Variants in MAP3K19 observed in about 807,000 individuals in gnomAD.
MAP3K19 encodes mitogen-activated protein kinase kinase kinase 19.
A neutral mutation model predicts 114.4 loss-of-function variants in MAP3K19; 91 were observed. That is an observed-to-expected ratio of 0.80 (90% CI 0.67 to 0.95). MAP3K19 has a LOEUF of 0.95. MAP3K19 is among the 40% of genes least tolerant of loss of function. MAP3K19 has a pLI of 0.00. For missense variants in MAP3K19, 1,471 were observed against 1,573.2 expected (o/e 0.94, Z 1.10); for synonymous variants, 518 against 530.5 (o/e 0.98, Z 0.32).
chr2:135,042,693 A>G (rs544604523), intron 1 of MAP3K19, among the ~76,000 whole-genome samples: 1 of 152,206 alleles, frequency 6.6e-6, no homozygotes, highest in South Asian at 2.1e-4. Flanking sequence ...TCCCCAACAC[A>G]TCGGGAAGCC....
At chr2:135,013,813 T>C (rs866825203) in intron 5 of MAP3K19, among the ~76,000 whole-genome samples, 2 of 152,118 alleles carry the variant, frequency 1.3e-5, no homozygotes, top group African/African-American at 2.4e-5. Context: ...AGTTGCTAAT[T>C]AGCTGAAGTC....
In MAP3K19 at chr2:134,981,356, TC is replaced by T. The variant is rs1402928487; in HGVS notation, c.3384del (p.Thr1129HisfsTer8). 1 of 1,614,072 alleles carries T rather than the reference TC, an allele frequency of 6.2e-7. No individual in the cohort carries two copies. The highest frequency in any genetic ancestry group is 8.5e-7 in the Non-Finnish European group (1 of 1,180,048). On this transcript the variant is annotated frameshift_variant, in exon 12 of 13. Transcript: ENST00000392915. LOFTEE classifies it high-confidence loss of function. The stretch of plus-strand genomic sequence containing the variant: ...CTCACAGTGTTCTCTTGCAAGCATG[TC>T]CCCAAATAGGCCACAATGTTGACAT... ...LKHVNIVAYL[G>X]TCLQENTVSI...
At chr2:134,978,494 C>T (rs1303046985) in intron 12 of MAP3K19, among the ~76,000 whole-genome samples, 3 of 152,162 alleles carry the variant, frequency 2.0e-5, no homozygotes, top group Non-Finnish European at 4.4e-5. Flanking sequence ...AGCCACTGCA[C>T]CTGGCTGTTA....
intron 5 of MAP3K19, among the ~76,000 whole-genome samples, chr2:135,010,968 A>G (rs1687179580): frequency 6.6e-6 from 1 of 152,180 alleles, no homozygotes; most frequent in African/African-American, 2.4e-5. Context: ...CCTCAGGTGA[A>G]AAAAGATGAC....
intron 5 of MAP3K19, among the ~76,000 whole-genome samples, chr2:135,012,308 C>T (rs922151587): frequency 1.3e-5 from 2 of 151,972 alleles, no homozygotes; most frequent in Non-Finnish European, 2.9e-5. Context: ...GTCAAATGAC[C>T]CCCTAGGGTG....
intron 3 of MAP3K19, 79 bp downstream of exon 3, chr2:135,030,233 T>C (rs1688348627): frequency 6.6e-6 from 1 of 152,556 alleles, no homozygotes; most frequent in Admixed American, 6.5e-5. Flanking sequence ...TTATTTTTCT[T>C]TAAAAGGAGT....
chr2:134,983,597 A>C (rs1684861503), intron 11 of MAP3K19, 79 bp downstream of exon 11: 2 of 896,556 alleles, frequency 2.2e-6, no homozygotes, highest in Non-Finnish European at 1.6e-6. Context: ...AGGGAGGATG[A>C]CTGGGGGAGT....
chr2:135,019,133 G>A (rs1687801325), intron 5 of MAP3K19, among the ~76,000 whole-genome samples: 1 of 151,964 alleles, frequency 6.6e-6, no homozygotes, highest in Non-Finnish European at 1.5e-5. Flanking sequence ...AATGTAAAAT[G>A]TGAAACTATA....
At position 135,005,539 on chromosome 2, in the gene MAP3K19, A is replaced by G. The variant is rs1279473642; in HGVS notation, c.139-8T>C. 5.6e-6 allele frequency: 9 copies of G among 1,608,020 alleles called. No individual in the cohort carries two copies. The highest frequency in any genetic ancestry group is 7.7e-6 in the Non-Finnish European group (9 of 1,174,732). ...ACCATCTTGGTCGAACTCCTGCAAT[A>G]TCATAAAATTCAAAACTCAGTTATT... On this transcript the variant is annotated splice_region_variant and splice_polypyrimidine_tract_variant and intron_variant, in intron 5 of 12. Transcript: ENST00000392915.
chr2:135,032,784 G>C (rs928150100), intron 2 of MAP3K19, among the ~76,000 whole-genome samples: 2 of 147,204 alleles, frequency 1.4e-5, no homozygotes, highest in African/African-American at 5.0e-5. Context: ...TTGTGTCCCT[G>C]GGTACTTGAG....
intron 12 of MAP3K19, among the ~76,000 whole-genome samples, chr2:134,971,783 T>C (rs937152761): frequency 6.6e-6 from 1 of 152,014 alleles, no homozygotes; most frequent in Non-Finnish European, 1.5e-5. Context: ...GTTTCTGATT[T>C]TTATTTCAGT....
Position 134,964,818 on chromosome 2 carries a change from A to C in MAP3K19, c.*32T>G. 1 of 1,545,152 alleles carries C rather than the reference A, an allele frequency of 6.5e-7. No individual in the cohort carries two copies. Among genetic ancestry groups the C allele is most frequent in the Non-Finnish European group, 8.9e-7 (1 of 1,118,840 alleles). On this transcript the variant is annotated 3_prime_UTR_variant, in exon 13 of 13. Coordinates refer to ENST00000392915, the MANE Select transcript of MAP3K19 (RefSeq NM_025052.5). ...CACAATTAAGCAAGGGAGCATCTGCAGTGGAACTGGGAAGAAAGTCTTGAT... is the reference window on the plus strand; with the variant it reads ...CACAATTAAGCAAGGGAGCATCTGCCGTGGAACTGGGAAGAAAGTCTTGAT...
chr2:135,027,218 C>A (rs1401873909), intron 3 of MAP3K19, among the ~76,000 whole-genome samples: 8 of 149,760 alleles, frequency 5.3e-5, no homozygotes, highest in Non-Finnish European at 4.4e-5. Flanking sequence ...GCACTCCAGC[C>A]TAGGCAACAG....
At chr2:134,969,959 A>G (rs1016419871) in intron 12 of MAP3K19, among the ~76,000 whole-genome samples, 2 of 151,706 alleles carry the variant, frequency 1.3e-5, no homozygotes, top group Non-Finnish European at 2.9e-5. Context: ...ACTCTGTTCT[A>G]TTGGTTTATG....
At chr2:134,990,245 C>G (rs1040955916) in intron 9 of MAP3K19, among the ~76,000 whole-genome samples, 4 of 152,090 alleles carry the variant, frequency 2.6e-5, no homozygotes, top group Admixed American at 2.6e-4. Context: ...ACAGTTGACC[C>G]TTGAACAACA....
intron 10 of MAP3K19, among the ~76,000 whole-genome samples, chr2:134,985,502 T>A (rs1205787746): frequency 6.6e-6 from 1 of 152,252 alleles, no homozygotes; most frequent in African/African-American, 2.4e-5. Context: ...ATTGAAAATG[T>A]CATCATTGAA....
At chr2:135,035,834 G>A (rs997958791) in intron 2 of MAP3K19, among the ~76,000 whole-genome samples, 3 of 152,010 alleles carry the variant, frequency 2.0e-5, no homozygotes, top group African/African-American at 7.2e-5. Flanking sequence ...AAAAATGCAA[G>A]ATTTTTTTTT....
intron 12 of MAP3K19, among the ~76,000 whole-genome samples, chr2:134,969,223 G>C (rs1157360221): frequency 6.6e-6 from 1 of 152,092 alleles, no homozygotes; most frequent in East Asian, 1.9e-4. Flanking sequence ...GTGGCGGCGC[G>C]TGCCTGTAAT....
At chr2:135,005,828 G>A (rs553988057) in intron 5 of MAP3K19, among the ~76,000 whole-genome samples, 8 of 152,144 alleles carry the variant, frequency 5.3e-5, no homozygotes, top group Non-Finnish European at 8.8e-5. Context: ...CTGCTAAGCT[G>A]CCCCAAATTC....
Sources: allele counts gnomAD v4.1 joint callset (sites outside exome capture counted in the v4.1 genomes callset), GRCh38; gene constraint gnomAD v4.1.1; transcripts MANE v1.5; gene names NCBI Gene and HGNC (gene_info 2026-07-23, HGNC 2026-07-21).